The following PTPN18 variants were observed in gnomAD, a reference collection of about 807,000 sequenced individuals.
The protein encoded by PTPN18 is protein tyrosine phosphatase non-receptor type 18.
A neutral mutation model predicts 65.4 loss-of-function variants in PTPN18; 65 were observed. The ratio of observed to expected loss-of-function variants is 0.99; its 90% CI spans 0.81 to 1.22. The LOEUF (loss-of-function observed/expected upper bound fraction) is 1.22. Ranked by LOEUF, PTPN18 falls within the 50% of genes most tolerant of loss-of-function variation. The pLI, the probability that PTPN18 is intolerant of heterozygous loss-of-function variation, is 0.00. For synonymous variants in PTPN18, 255 were observed against 267.8 expected, an observed-to-expected ratio of 0.95 and a Z score of 0.47; for missense variants, 616 against 646.5, an observed-to-expected ratio of 0.95 and a Z score of 0.51.
chr2:130,356,877 G>T (rs1452159437), intron 1 of PTPN18, among the ~76,000 whole-genome samples: 1 of 152,210 alleles, frequency 6.6e-6, no homozygotes, highest in Admixed American at 6.5e-5. Flanking sequence ...TCGTAGGGGC[G>T]TTCGTCACTG....
intron 2 of PTPN18, 121 bp from the exon 3 acceptor site, chr2:130,359,112 G>C: frequency 6.8e-7 from 1 of 1,474,832 alleles, no homozygotes. Context: ...GCCCACAAGG[G>C]CACCTTGGTG....
At chr2:130,371,439 A>T in intron 12 of PTPN18, 152 bp downstream of exon 12, 1 of 657,132 alleles carries the variant, frequency 1.5e-6, no homozygotes, top group Non-Finnish European at 2.6e-6. Flanking sequence ...CCCCAAGATG[A>T]TTCAATTATC....
chr2:130,356,778 C>T, intron 1 of PTPN18: 1 of 387,580 alleles, frequency 2.6e-6, no homozygotes, highest in Non-Finnish European at 5.5e-6. Flanking sequence ...CGGCTTCTCC[C>T]TTGGTGAAAT....
chr2:130,361,278 G>A (rs1008834051), intron 5 of PTPN18, among the ~76,000 whole-genome samples: 4 of 151,746 alleles, frequency 2.6e-5, no homozygotes, highest in Admixed American at 6.6e-5. Flanking sequence ...AATTTTTTTT[G>A]TCTGCTTGCC....
rs748509358 is a variant in PTPN18, at chr2:130,359,263, T to C, written c.233T>C (p.Leu78Pro). 3.7e-6 allele frequency: 6 copies of C among 1,613,956 alleles called. No homozygotes were observed. The highest frequency in any genetic ancestry group is 2.5e-6 in the Non-Finnish European group (3 of 1,180,034). Residue 78 changes from leucine (L) to proline (P), a missense_variant, in exon 3 of 15, where the codon CTC (leucine) becomes CCC (proline). Physicochemically the swap from Leu to Pro is moderately conservative, Grantham distance 98. This residue lies in a region of PTPN18 where 223 missense variants were observed against 210.0 expected (regional missense o/e 1.06). Coordinates refer to ENST00000175756, the MANE Select transcript of PTPN18 (RefSeq NM_014369.4). ...CAGACGCGAGTAATCCTCTCCCTGC[T>C]CCAGGAAGAGGGACACAGCGACTAC... Reference protein sequence around the residue: ...YDQTRVILSLLQEEGHSDYIN... With the variant: ...YDQTRVILSLPQEEGHSDYIN...
rs1389829638 is a variant in PTPN18 at position 130,373,079 on chromosome 2, G to T, written c.1316-78G>T. On this transcript the variant is annotated intron_variant, in intron 14 of 14. Coordinates refer to ENST00000175756, the MANE Select transcript of PTPN18 (RefSeq NM_014369.4). The surrounding 1 kb of genome is among the most constrained non-coding windows in gnomAD (Gnocchi z 4.1). ...GAACCAGGAGGACCTGGAGGCGGGGGGATGGCCTTCTTCATGTCTGCCAGC... is the reference window on the plus strand; with the variant it reads ...GAACCAGGAGGACCTGGAGGCGGGGTGATGGCCTTCTTCATGTCTGCCAGC... The T allele has an allele frequency of 6.5e-7, 1 of 1,542,064 alleles. No homozygotes were observed. Among genetic ancestry groups the T allele is most frequent in the East Asian group, 2.3e-5 (1 of 43,896 alleles).
At chr2:130,362,124 G>A (rs763573225) in intron 5 of PTPN18, 14 of 470,396 alleles carry the variant, frequency 3.0e-5, no homozygotes, top group African/African-American at 1.4e-4. Flanking sequence ...ATACACCACC[G>A]TGCCTGATTA....
intron 13 of PTPN18, 87 bp downstream of exon 13, chr2:130,372,570 G>C: frequency 7.3e-7 from 1 of 1,377,356 alleles, no homozygotes; most frequent in Non-Finnish European, 9.5e-7. Context: ...TCAGGCCCTG[G>C]CGGCCGCGGG....
chr2:130,370,298 AC>A (rs1680516104), intron 8 of PTPN18, 108 bp downstream of exon 8: 3 of 1,467,744 alleles, frequency 2.0e-6, no homozygotes, highest in Non-Finnish European at 2.8e-6. Context: ...TATTTTGAGA[AC>A]CCTTGCTCAC....
chr2:130,374,728 C>G lies in PTPN18; in HGVS notation c.*1504C>G, dbSNP rs574949197. On this transcript the variant is annotated 3_prime_UTR_variant, in exon 15 of 15. Transcript: ENST00000175756. ...TCCCTGTATGCACTGCCACAGTGCC[C>G]TGGGCCCCATGTCCACCCCTGTCCT... is the stretch of plus-strand genomic sequence containing the variant. 1.5e-3 allele frequency: 683 copies of G among 470,106 alleles called. 12 individuals carry two copies. The highest frequency in any genetic ancestry group is 0.01 in the South Asian group (663 of 64,552). 29.1% of individuals were successfully genotyped at this position (470,106 alleles called of 1,614,324 possible). A position where few individuals can be genotyped will look rare whatever the true frequency, so the allele number is the denominator to read the frequency against.
At chr2:130,366,656 G>A (rs190037988) in intron 5 of PTPN18, among the ~76,000 whole-genome samples, 9 of 152,266 alleles carry the variant, frequency 5.9e-5, no homozygotes, top group African/African-American at 2.2e-4. Flanking sequence ...GCAAGAGTTT[G>A]TGAAAGGCTG....
Position 130,370,709 on chromosome 2 carries a change from T to C in PTPN18, c.761T>C (p.Ile254Thr), listed in dbSNP as rs774515208. The change falls in exon 10 of 15, where the codon ATC becomes ACC. Residue 254 changes from isoleucine (I) to threonine (T), a missense_variant. By Grantham distance (89) the Ile-to-Thr change is moderately conservative. Transcript: ENST00000175756. ...TGCCTTGTCTGTCTGCCCCAGATGA[T>C]CCCACCTGACTTCAGTCTCTTTGAT... ...YVRQLLLTQM[I>T]PPDFSLFDVV... 24 of 1,614,064 alleles carry C rather than the reference T, an allele frequency of 1.5e-5. No homozygotes were observed. The highest frequency in any genetic ancestry group is 1.8e-5 in the Non-Finnish European group (21 of 1,180,018).
In PTPN18 at chr2:130,356,203, G is replaced by A; in HGVS notation, c.93+3G>A. On this transcript the variant is annotated splice_donor_region_variant and intron_variant, in intron 1 of 14. Coordinates refer to ENST00000175756, the MANE Select transcript of PTPN18 (RefSeq NM_014369.4). Reference sequence around the variant, plus strand: ...CAGTCCTCGCCGGCGAGTTCAGCGTGAGTGGCACACGGGGTCCGCGAGCGG... The same window carrying A: ...CAGTCCTCGCCGGCGAGTTCAGCGTAAGTGGCACACGGGGTCCGCGAGCGG... 1 of 1,320,012 alleles carries A rather than the reference G, an allele frequency of 7.6e-7. No homozygotes were observed. Among genetic ancestry groups the A allele is most frequent in the Non-Finnish European group, 9.6e-7 (1 of 1,037,358 alleles). 81.8% of individuals were successfully genotyped at this position (1,320,012 alleles called of 1,614,324 possible).
chr2:130,370,977 CT>C lies in PTPN18; in HGVS notation c.924+16del. ...GAACATCAAAGAGGTACAGAGGCTC[CT>C]TTCCCACTCTCCTGTCCACCATCAG... On this transcript the variant is annotated intron_variant, in intron 11 of 14. Transcript: ENST00000175756. The C allele has an allele frequency of 6.2e-7, 1 of 1,610,458 alleles. No individual in the cohort carries two copies. The highest frequency in any genetic ancestry group is 8.5e-7 in the Non-Finnish European group (1 of 1,177,072).
rs1387576268 is a variant in PTPN18, at chr2:130,372,399, G to C, written c.1156G>C (p.Ala386Pro). The C allele has an allele frequency of 5.9e-6, 8 of 1,365,574 alleles. No homozygotes were observed. The highest frequency in any genetic ancestry group is 5.6e-6 in the Non-Finnish European group (6 of 1,065,034). The allele number at this position is 1,365,574 out of a possible 1,614,324, so 84.6% of individuals were successfully genotyped here. ...GACGGGGGCGCGCAGCGCGGAGGAG[G>C]CGCCGCTCTACAGCAAGGTGACGCC... is the stretch of plus-strand genomic sequence containing the variant. Reference protein sequence around the residue: ...TGTGARSAEEAPLYSKVTPRA... With the variant: ...TGTGARSAEEPPLYSKVTPRA... Residue 386 changes from alanine to proline, a missense_variant, in exon 13 of 15, where the codon GCG (alanine) becomes CCG (proline). Ala to Pro is a conservative substitution (Grantham distance 27). Around this residue, in one of 3 missense-constraint regions of PTPN18, gnomAD observed 368 missense variants for 386.7 expected, o/e 0.95. Coordinates refer to ENST00000175756, the MANE Select transcript of PTPN18 (RefSeq NM_014369.4).
chr2:130,363,009 C>T (rs1181763756), intron 5 of PTPN18, among the ~76,000 whole-genome samples: 2 of 151,214 alleles, frequency 1.3e-5, no homozygotes, highest in Non-Finnish European at 3.0e-5. Flanking sequence ...TTAGTAGAGA[C>T]GGGGTTTCAC....
intron 5 of PTPN18, among the ~76,000 whole-genome samples, chr2:130,364,965 CAGAG>C (rs370468539): frequency 6.6e-6 from 1 of 150,548 alleles, no homozygotes; most frequent in Non-Finnish European, 1.5e-5. Flanking sequence ...TTCCCATCAG[CAGAG>C]AGAGAGAGAG....
At chr2:130,358,550 G>C (rs1680068129) in intron 1 of PTPN18, among the ~76,000 whole-genome samples, 2 of 152,080 alleles carry the variant, frequency 1.3e-5, no homozygotes, top group Admixed American at 6.5e-5. Flanking sequence ...TCCTGGTTGG[G>C]ACCTTCCACA....
intron 5 of PTPN18, 151 bp downstream of exon 5, chr2:130,359,797 T>G: frequency 1.1e-6 from 1 of 951,628 alleles, no homozygotes; most frequent in Non-Finnish European, 1.6e-6. Flanking sequence ...CCTCTAAGTT[T>G]TTGTTGATAT....
Sources: allele counts gnomAD v4.1 joint callset (sites outside exome capture counted in the v4.1 genomes callset), GRCh38; gene constraint gnomAD v4.1.1; regional missense constraint gnomAD v4.1.1; non-coding constraint Gnocchi (gnomAD v3.1); transcripts MANE v1.5; gene names NCBI Gene and HGNC (gene_info 2026-07-23, HGNC 2026-07-21).